Variants in DGCR2 observed in about 807,000 individuals in gnomAD.
DGCR2 encodes integral membrane protein DGCR2/IDD.
Under a neutral mutation model 51.6 loss-of-function variants are expected in DGCR2, and 24 were observed. That is an observed-to-expected ratio of 0.47 (90% CI 0.34 to 0.65). The LOEUF (loss-of-function observed/expected upper bound fraction) is 0.65. DGCR2 is among the 30% of genes least tolerant of loss of function. DGCR2 has a pLI of 0.01. For synonymous variants in DGCR2, 340 were observed against 315.4 expected (o/e 1.08, Z -0.82); for missense variants, 765 against 772.1 (o/e 0.99, Z 0.11).
chr22:19,068,322 A>AGG, intron 2 of DGCR2, 97 bp from the exon 3 acceptor site: 3 of 1,358,822 alleles, frequency 2.2e-6, no homozygotes, highest in Non-Finnish European at 2.9e-6. Context: ...GCAAGGCCGG[A>AGG]GGGGGGGCCT....
At chr22:19,098,557 G>A (rs767604070) in intron 1 of DGCR2, among the ~76,000 whole-genome samples, 4 of 152,060 alleles carry the variant, frequency 2.6e-5, no homozygotes, top group African/African-American at 4.8e-5. Flanking sequence ...CCCTGTTCTC[G>A]AGTATACATA....
intron 5 of DGCR2, among the ~76,000 whole-genome samples, chr22:19,062,300 C>G (rs1317599537): frequency 6.6e-6 from 1 of 152,140 alleles, no homozygotes; most frequent in Non-Finnish European, 1.5e-5. Context: ...CTGCTGGGCT[C>G]TGCAGCCCCC....
rs1159079688 is a variant in DGCR2 at position 19,122,231 on chromosome 22, G to A, written c.-25C>T. On this transcript the variant is annotated 5_prime_UTR_variant, in exon 1 of 10. Transcript: ENST00000263196. ...TTTATCCTCCGTTCATCGTCCCCGG[G>A]GCGGCTGGAAGGCCGGACCAGGCCG... 15 of 1,254,334 alleles carry A rather than the reference G, an allele frequency of 1.2e-5. No homozygotes were observed. Among genetic ancestry groups the A allele is most frequent in the South Asian group, 1.6e-5 (1 of 64,154 alleles). The allele number at this position is 1,254,334 out of a possible 1,614,324, so 77.7% of individuals were successfully genotyped here. A position where few individuals can be genotyped will look rare whatever the true frequency, so the allele number is the denominator to read the frequency against.
intron 2 of DGCR2, 89 bp from the exon 3 acceptor site, chr22:19,068,314 A>G: frequency 7.2e-7 from 1 of 1,384,768 alleles, no homozygotes; most frequent in East Asian, 2.8e-5. Context: ...TCAGGGCTGC[A>G]AGGCCGGAGG....
intron 7 of DGCR2, 136 bp from the exon 8 acceptor site, chr22:19,042,095 A>T: frequency 9.5e-7 from 1 of 1,048,074 alleles, no homozygotes; most frequent in Non-Finnish European, 1.3e-6. Flanking sequence ...AACCATCTTT[A>T]GGATACATGT....
intron 2 of DGCR2, among the ~76,000 whole-genome samples, chr22:19,070,135 G>C (rs772830172): frequency 1.9e-4 from 29 of 152,156 alleles, no homozygotes; most frequent in Non-Finnish European, 3.4e-4. Flanking sequence ...CATGCTACCT[G>C]CAGCACCCGA....
intron 5 of DGCR2, among the ~76,000 whole-genome samples, chr22:19,059,251 G>A (rs1373509279): frequency 6.6e-6 from 1 of 152,122 alleles, no homozygotes; most frequent in Admixed American, 6.5e-5. Flanking sequence ...GTGGGGCTGG[G>A]GCCAGGAGAC....
chr22:19,070,920 G>GAC (rs2042114799), intron 2 of DGCR2, among the ~76,000 whole-genome samples: 1 of 152,266 alleles, frequency 6.6e-6, no homozygotes, highest in Admixed American at 6.5e-5. Context: ...GCTGATGTCA[G>GAC]ACAGTGTCCT....
chr22:19,117,161 C>T (rs112027357), intron 1 of DGCR2, among the ~76,000 whole-genome samples: 2,441 of 152,292 alleles, frequency 0.016, 69 homozygotes, highest in African/African-American at 0.056. Flanking sequence ...GACACCTGCA[C>T]AAACAAATCA....
At chr22:19,094,093 G>A (rs1450459690) in intron 1 of DGCR2, among the ~76,000 whole-genome samples, 2 of 152,234 alleles carry the variant, frequency 1.3e-5, no homozygotes, top group Admixed American at 1.3e-4. Context: ...GCAAGCACAT[G>A]AAAAGATGCT....
chr22:19,062,573 T>C (rs1601531359), intron 5 of DGCR2, among the ~76,000 whole-genome samples: 1 of 151,434 alleles, frequency 6.6e-6, no homozygotes, highest in Admixed American at 6.6e-5. Context: ...GGCAAGGGAG[T>C]GTGACCCTGG....
chr22:19,115,318 A>T (rs775143011), intron 1 of DGCR2, among the ~76,000 whole-genome samples: 16 of 152,190 alleles, frequency 1.1e-4, no homozygotes, highest in Non-Finnish European at 1.9e-4. Flanking sequence ...CCTCCACCCC[A>T]GGCTGGGCAG....
At chr22:19,093,410 C>T (rs1467472553) in intron 1 of DGCR2, among the ~76,000 whole-genome samples, 1 of 150,376 alleles carries the variant, frequency 6.6e-6, no homozygotes, top group Non-Finnish European at 1.5e-5. Context: ...CAGGTGAAGC[C>T]TAAAACTATA....
At chr22:19,055,152 A>G (rs1174107028) in intron 6 of DGCR2, among the ~76,000 whole-genome samples, 2 of 152,128 alleles carry the variant, frequency 1.3e-5, no homozygotes, top group Non-Finnish European at 2.9e-5. Flanking sequence ...TCTAAATATC[A>G]GCAAACCAAA....
At chr22:19,090,811 G>GA (rs58088390) in intron 1 of DGCR2, among the ~76,000 whole-genome samples, 58,611 of 146,894 alleles carry the variant, frequency 0.4, 11,659 homozygotes, top group Middle Eastern at 0.49. Flanking sequence ...CCAAAAGAAG[G>GA]AAAAAAAAAA....
Position 19,048,329 on chromosome 22 carries a change from G to A in DGCR2, c.1006+111C>T, listed in dbSNP as rs571889839. On this transcript the variant is annotated intron_variant, in intron 7 of 9. Coordinates refer to ENST00000263196, the MANE Select transcript of DGCR2 (RefSeq NM_005137.3). ...TGACAAACGCTGCCATTGCTGCTGC[G>A]CGATGCTCCATAAACTCTCCTGAGT... The A allele has an allele frequency of 1.4e-3, 1,564 of 1,127,706 alleles. 2 individuals are homozygous for A. The highest frequency in any genetic ancestry group is 1.9e-3 in the Non-Finnish European group (1,430 of 764,734). 69.9% of individuals were successfully genotyped at this position (1,127,706 alleles called of 1,614,324 possible). A position where few individuals can be genotyped will look rare whatever the true frequency, so the allele number is the denominator to read the frequency against.
intron 2 of DGCR2, among the ~76,000 whole-genome samples, chr22:19,083,799 G>A (rs1338717972): frequency 2.0e-5 from 3 of 147,496 alleles, no homozygotes; most frequent in Admixed American, 6.8e-5. Context: ...CTGCCATCTC[G>A]GCTCACTGCA....
chr22:19,052,871 C>T (rs890878761), intron 6 of DGCR2, among the ~76,000 whole-genome samples: 2 of 152,156 alleles, frequency 1.3e-5, no homozygotes, highest in African/African-American at 4.8e-5. Flanking sequence ...CAAAAGGTTG[C>T]AACTATATGA....
At chr22:19,056,250 G>C (rs1183309967) in intron 6 of DGCR2, 2 of 164,454 alleles carry the variant, frequency 1.2e-5, no homozygotes, top group African/African-American at 4.8e-5. Flanking sequence ...GGGAGGCGGA[G>C]CTTGCAGTGA....
Sources: allele counts gnomAD v4.1 joint callset (sites outside exome capture counted in the v4.1 genomes callset), GRCh38; gene constraint gnomAD v4.1.1; transcripts MANE v1.5; gene names NCBI Gene and HGNC (gene_info 2026-07-23, HGNC 2026-07-21).